Variants in AGBL4 observed in about 807,000 individuals in gnomAD.
AGBL4 encodes AGBL carboxypeptidase 4.
In AGBL4, 58 loss-of-function variants were observed where a neutral mutation model predicts 66.4. That is an observed-to-expected ratio of 0.87 (90% CI 0.71 to 1.09). The LOEUF (loss-of-function observed/expected upper bound fraction) is 1.09, where lower values mean the gene tolerates loss of function less well. Ranked by LOEUF, AGBL4 falls within the 50% of genes least tolerant of loss-of-function variation. AGBL4 has a pLI of 0.00. For synonymous variants in AGBL4, 234 were observed against 222.9 expected, an observed-to-expected ratio of 1.05 and a Z score of -0.44; for missense variants, 579 against 631.0, an observed-to-expected ratio of 0.92 and a Z score of 0.88.
intron 1 of AGBL4, among the ~76,000 whole-genome samples, chr1:49,856,913 T>C (rs1646448056): frequency 6.6e-6 from 1 of 151,316 alleles, no homozygotes; most frequent in Admixed American, 6.6e-5. Context: ...GAAATCCAAA[T>C]GGGAAAAAAG....
intron 4 of AGBL4, among the ~76,000 whole-genome samples, chr1:49,051,964 T>C (rs1318212262): frequency 6.6e-6 from 1 of 152,140 alleles, no homozygotes; most frequent in African/African-American, 2.4e-5. Context: ...GAGACAGTGC[T>C]ACATATTGCC....
At chr1:49,715,073 C>T (rs1647991411) in intron 2 of AGBL4, among the ~76,000 whole-genome samples, 1 of 152,046 alleles carries the variant, frequency 6.6e-6, no homozygotes, top group African/African-American at 2.4e-5. Context: ...CCCATCAACC[C>T]GTCATCTACA....
intron 3 of AGBL4, among the ~76,000 whole-genome samples, chr1:49,519,584 T>G (rs1490550726): frequency 6.6e-6 from 1 of 152,094 alleles, no homozygotes; most frequent in Non-Finnish European, 1.5e-5. Context: ...TCACCACCAG[T>G]GGCTTTGAAA....
At chr1:48,769,901 T>A (rs1186965075) in intron 6 of AGBL4, among the ~76,000 whole-genome samples, 1 of 152,208 alleles carries the variant, frequency 6.6e-6, no homozygotes, top group Non-Finnish European at 1.5e-5. Context: ...CTATGTAACT[T>A]CAAAGCCTGT....
intron 1 of AGBL4, among the ~76,000 whole-genome samples, chr1:49,878,530 T>C (rs533693066): frequency 4.6e-5 from 7 of 152,268 alleles, no homozygotes; most frequent in Admixed American, 4.6e-4. Context: ...AGAGATAGTT[T>C]GTTATAATTT....
chr1:48,687,444 C>A (rs923905129), intron 6 of AGBL4, among the ~76,000 whole-genome samples: 2 of 152,124 alleles, frequency 1.3e-5, no homozygotes, highest in Non-Finnish European at 2.9e-5. Context: ...CTGCGGCACC[C>A]CCACAGGCTG....
intron 3 of AGBL4, among the ~76,000 whole-genome samples, chr1:49,294,609 A>G (rs1235357325): frequency 1.3e-5 from 2 of 152,288 alleles, no homozygotes; most frequent in Admixed American, 6.5e-5. Context: ...TTTGAATCCT[A>G]TGTCACTAAG....
chr1:48,539,661 T>C lies in AGBL4; in HGVS notation c.1345A>G (p.Ile449Val), dbSNP rs750654975. ...ACTTACCGCAGTCTCGGCATGGGAA[T>C]TGCCACCTTTTCAACCACGGGGTTC... ...RLNPVVEKVAIPMPRLRNKEI... is the reference protein window; with the variant it reads ...RLNPVVEKVAVPMPRLRNKEI... The change falls in exon 12 of 14, where the codon ATT (isoleucine) becomes GTT (valine). Residue 449 changes from isoleucine (I) to valine (V), a missense_variant. By Grantham distance (29) the Ile-to-Val change is conservative. Coordinates refer to ENST00000371839, the MANE Select transcript of AGBL4 (RefSeq NM_032785.4). 2 of 1,542,982 alleles carry C rather than the reference T, an allele frequency of 1.3e-6. No homozygotes were observed. The highest frequency in any genetic ancestry group is 2.8e-5 in the African/African-American group (2 of 72,466).
intron 3 of AGBL4, among the ~76,000 whole-genome samples, chr1:49,373,636 C>T (rs1326769256): frequency 6.6e-6 from 1 of 151,964 alleles, no homozygotes; most frequent in African/African-American, 2.4e-5. Context: ...ATATTACTAT[C>T]CTCATTTTAT....
At chr1:48,901,173 T>A (rs1040285657) in intron 5 of AGBL4, among the ~76,000 whole-genome samples, 1 of 152,106 alleles carries the variant, frequency 6.6e-6, no homozygotes, top group Non-Finnish European at 1.5e-5. Context: ...CAATGAGATA[T>A]CACTAGACAA....
At chr1:48,534,428 A>G (rs371415389) in intron 13 of AGBL4, 135 bp from the exon 14 acceptor site, 1 of 1,261,436 alleles carries the variant, frequency 7.9e-7, no homozygotes, top group Non-Finnish European at 1.1e-6. Flanking sequence ...CTTCCCACAG[A>G]CACTAAAGGT....
chr1:49,228,687 T>G (rs1227443134), intron 4 of AGBL4, among the ~76,000 whole-genome samples: 2 of 152,166 alleles, frequency 1.3e-5, no homozygotes, highest in African/African-American at 4.8e-5. Context: ...TGCAGTGATG[T>G]GACTTGTGTT....
At chr1:48,849,633 C>T (rs1646989472) in intron 6 of AGBL4, among the ~76,000 whole-genome samples, 1 of 152,208 alleles carries the variant, frequency 6.6e-6, no homozygotes, top group Non-Finnish European at 1.5e-5. Context: ...GGATGACAAT[C>T]ATACTAGTCA....
chr1:49,996,411 T>G (rs7550208), intron 1 of AGBL4, among the ~76,000 whole-genome samples: 1 of 151,626 alleles, frequency 6.6e-6, no homozygotes, highest in Admixed American at 6.6e-5. Context: ...CTTAGAGAAA[T>G]GCAAAATACA....
At chr1:49,127,080 T>C (rs1267160808) in intron 4 of AGBL4, among the ~76,000 whole-genome samples, 1 of 152,184 alleles carries the variant, frequency 6.6e-6, no homozygotes, top group African/African-American at 2.4e-5. Flanking sequence ...GAATAAACTA[T>C]ATAAAACATT....
chr1:50,017,623 A>G (rs1455457855), intron 1 of AGBL4: 1 of 152,222 alleles, frequency 6.6e-6, no homozygotes, highest in African/African-American at 2.4e-5. Flanking sequence ...TAAGGGAATT[A>G]ACGCAGGAAC....
intron 2 of AGBL4, among the ~76,000 whole-genome samples, chr1:49,732,824 A>C (rs1649558560): frequency 6.6e-6 from 1 of 152,176 alleles, no homozygotes. Flanking sequence ...CAAAGAGAGG[A>C]GAGAGAATGA....
At chr1:49,728,508 T>C (rs1303110802) in intron 2 of AGBL4, among the ~76,000 whole-genome samples, 2 of 152,228 alleles carry the variant, frequency 1.3e-5, no homozygotes, top group Non-Finnish European at 2.9e-5. Flanking sequence ...GGAAGTGCAC[T>C]TGAGTGTGGG....
chr1:49,175,473 GATA>G (rs1185881376), intron 4 of AGBL4, among the ~76,000 whole-genome samples: 1 of 152,038 alleles, frequency 6.6e-6, no homozygotes, highest in Non-Finnish European at 1.5e-5. Flanking sequence ...TCTAGAATAT[GATA>G]ATAAATAGTG....
Sources: allele counts gnomAD v4.1 joint callset (sites outside exome capture counted in the v4.1 genomes callset), GRCh38; gene constraint gnomAD v4.1.1; transcripts MANE v1.5; gene names NCBI Gene and HGNC (gene_info 2026-07-23, HGNC 2026-07-21).